The following ZC3H7A variants were observed in gnomAD, a reference collection of about 807,000 sequenced individuals.
ZC3H7A encodes the protein zinc finger CCCH domain-containing protein 7A.
A neutral mutation model predicts 125.5 loss-of-function variants in ZC3H7A; 44 were observed. That is an observed-to-expected ratio of 0.35 (90% CI 0.28 to 0.45). ZC3H7A has a LOEUF of 0.45. ZC3H7A is among the 20% of genes least tolerant of loss of function. The pLI is 1.00. For synonymous variants in ZC3H7A, 399 were observed against 391.2 expected (o/e 1.02, Z -0.23); for missense variants, 977 against 1,170.7 (o/e 0.83, Z 2.41).
rs567073526 is a variant in ZC3H7A at position 11,784,149 on chromosome 16, T to C, written c.-34-1761A>G. Among the ~76,000 whole-genome samples, 3 of 152,208 alleles carry C rather than the reference T, an allele frequency of 2.0e-5. No individual in the cohort carries two copies. In the East Asian group the frequency reaches 5.8e-4, roughly 29 times the overall value. ...TGACACTAGAGTAAAATGGCACTAT[T>C]TCTGGAATGTGCTTTTAAAACAGTT... is the stretch of plus-strand genomic sequence containing the variant. On this transcript the variant is annotated intron_variant, in intron 1 of 22. Transcript: ENST00000355758.
At chr16:11,779,416 TAAGTAA>T in intron 3 of ZC3H7A, 53 bp from the exon 4 acceptor site, 1 of 1,513,030 alleles carries the variant, frequency 6.6e-7, no homozygotes, top group Admixed American at 2.1e-5. Context: ...AGATATGGTA[TAAGTAA>T]ATTTTAATTT....
At chr16:11,792,705 C>T (rs1446938915) in intron 1 of ZC3H7A, among the ~76,000 whole-genome samples, 2 of 152,196 alleles carry the variant, frequency 1.3e-5, no homozygotes, top group African/African-American at 4.8e-5. Flanking sequence ...GCAGCTGGCC[C>T]AGGATTACAC....
intron 3 of ZC3H7A, among the ~76,000 whole-genome samples, chr16:11,780,230 C>T (rs993487566): frequency 4.0e-5 from 6 of 151,488 alleles, no homozygotes; most frequent in African/African-American, 7.3e-5. Context: ...AAGTGATTCT[C>T]GTGTCTTAGC....
At position 11,776,543 on chromosome 16, in the gene ZC3H7A, T is replaced by C; in HGVS notation, c.466-11A>G. On this transcript the variant is annotated splice_polypyrimidine_tract_variant and intron_variant, in intron 5 of 22. Coordinates refer to ENST00000355758, the MANE Select transcript of ZC3H7A (RefSeq NM_014153.4). ...TATTACATGCTCATCCTGAAAAAAA[T>C]AAGTATGTATAATTAACAGGGTTAT... is the stretch of plus-strand genomic sequence containing the variant. The C allele has an allele frequency of 6.3e-7, 1 of 1,594,396 alleles. No individual in the cohort carries two copies. The highest frequency in any genetic ancestry group is 1.1e-5 in the South Asian group (1 of 86,996).
At position 11,765,196 on chromosome 16, in the gene ZC3H7A, TA is replaced by T. The variant is rs2052833871; in HGVS notation, c.1720-44del. ...AGATTATCAAAAAAAATACAAAATATAAATTTTGTACCCAGAATATTGTCCT... is the reference window on the plus strand; with the variant it reads ...AGATTATCAAAAAAAATACAAAATATAATTTTGTACCCAGAATATTGTCCT... On this transcript the variant is annotated intron_variant, in intron 14 of 22. Coordinates refer to ENST00000355758, the MANE Select transcript of ZC3H7A (RefSeq NM_014153.4). This position sits in a 1 kb window ranked among gnomAD's most constrained non-coding sequence, Gnocchi z 4.8. The T allele has an allele frequency of 8.0e-7, 1 of 1,255,422 alleles. No individual in the cohort carries two copies. Among genetic ancestry groups the T allele is most frequent in the Non-Finnish European group, 1.1e-6 (1 of 912,132 alleles). The allele number at this position is 1,255,422 out of a possible 1,614,324, so 77.8% of individuals were successfully genotyped here. A position where few individuals can be genotyped will look rare whatever the true frequency, so the allele number is the denominator to read the frequency against.
At chr16:11,782,171 A>G in intron 2 of ZC3H7A, 116 bp downstream of exon 2, 1 of 1,127,948 alleles carries the variant, frequency 8.9e-7, no homozygotes, top group Non-Finnish European at 1.3e-6. Flanking sequence ...GGAGTTTCTA[A>G]CCCAAATTAA....
intron 22 of ZC3H7A, among the ~76,000 whole-genome samples, chr16:11,752,327 C>T (rs959257879): frequency 2.0e-5 from 3 of 152,220 alleles, no homozygotes; most frequent in African/African-American, 7.2e-5. Context: ...TGAACATTTA[C>T]TGTGAGCAAA....
intron 10 of ZC3H7A, among the ~76,000 whole-genome samples, chr16:11,770,209 C>T (rs541074574): frequency 2.6e-5 from 4 of 152,164 alleles, no homozygotes; most frequent in South Asian, 4.2e-4. Context: ...CTTTTAGCCA[C>T]GTAACAATGC....
At chr16:11,780,044 C>A (rs2053149557) in intron 3 of ZC3H7A, among the ~76,000 whole-genome samples, 1 of 151,948 alleles carries the variant, frequency 6.6e-6, no homozygotes, top group African/African-American at 2.4e-5. Context: ...AGTAAGTATA[C>A]ACATTCTTTT....
chr16:11,795,006 GAATA>G lies in ZC3H7A; in HGVS notation c.-35+2114_-35+2117del, dbSNP rs1273434919. ...GCAGAAAATCAACGGGCTCTTTGTA[GAATA>G]AACACACACACACAAACACACACGC... is the stretch of plus-strand genomic sequence containing the variant. On this transcript the variant is annotated intron_variant, in intron 1 of 22. Transcript: ENST00000355758. Among the ~76,000 whole-genome samples the G allele has an allele frequency of 3.9e-5, 6 of 152,102 alleles. No homozygotes were observed. In the East Asian group the frequency reaches 1.2e-3, roughly 29 times the overall value.
chr16:11,794,965 C>T (rs910353149), intron 1 of ZC3H7A, among the ~76,000 whole-genome samples: 3 of 152,172 alleles, frequency 2.0e-5, no homozygotes, highest in Non-Finnish European at 4.4e-5. Flanking sequence ...CAGGAATTCT[C>T]CACTTCGTTT....
At position 11,769,105 on chromosome 16, in the gene ZC3H7A, T is replaced by C. The variant is rs750551992; in HGVS notation, c.1109-10A>G. The C allele has an allele frequency of 3.8e-6, 6 of 1,599,030 alleles. No individual in the cohort carries two copies. The highest frequency in any genetic ancestry group is 5.1e-6 in the Non-Finnish European group (6 of 1,174,682). ...GTTGAGGTGGACAGATCTAAAATAA[T>C]AAAAAAACTTCAACAGACCTTTTCA... On this transcript the variant is annotated splice_polypyrimidine_tract_variant and intron_variant, in intron 10 of 22. Transcript: ENST00000355758.
At chr16:11,757,050 T>TG (rs2052661649) in intron 20 of ZC3H7A, among the ~76,000 whole-genome samples, 2 of 152,154 alleles carry the variant, frequency 1.3e-5, no homozygotes, top group African/African-American at 4.8e-5. Context: ...AATTCTTTGC[T>TG]GGGGGTATGC....
In ZC3H7A at chr16:11,767,367, T is replaced by C. The variant is rs373242424; in HGVS notation, c.1522+50A>G. On this transcript the variant is annotated intron_variant, in intron 13 of 22. Transcript: ENST00000355758. Reference sequence around the variant, plus strand: ...CCTGTCATTAAGCTAAGCATGACTGTAGTTCATCACTTATGTAATGTATAC... The same window carrying C: ...CCTGTCATTAAGCTAAGCATGACTGCAGTTCATCACTTATGTAATGTATAC... The C allele has an allele frequency of 6.1e-6, 8 of 1,316,248 alleles. No homozygotes were observed. In the African/African-American group the frequency reaches 1.2e-4, roughly 20 times the overall value. The allele number at this position is 1,316,248 out of a possible 1,614,324, so 81.5% of individuals were successfully genotyped here.
In ZC3H7A at chr16:11,761,399, T is replaced by A; in HGVS notation, c.2319+7A>T. On this transcript the variant is annotated splice_region_variant and intron_variant, in intron 19 of 22. Coordinates refer to ENST00000355758, the MANE Select transcript of ZC3H7A (RefSeq NM_014153.4). The stretch of plus-strand genomic sequence containing the variant: ...TAAAAAAAGTGGCTTAAAAATTACG[T>A]ATGTACATCAAACTGTAAAGGCATT... The A allele has an allele frequency of 6.2e-7, 1 of 1,612,664 alleles. No homozygotes were observed. The highest frequency in any genetic ancestry group is 8.5e-7 in the Non-Finnish European group (1 of 1,179,208).
At chr16:11,769,639 A>T (rs1254127820) in intron 10 of ZC3H7A, among the ~76,000 whole-genome samples, 1 of 133,054 alleles carries the variant, frequency 7.5e-6, no homozygotes, top group Non-Finnish European at 1.5e-5. Flanking sequence ...TGAACCCAAG[A>T]GGCAGAGGTT....
intron 1 of ZC3H7A, among the ~76,000 whole-genome samples, chr16:11,788,146 G>T (rs902261866): frequency 3.9e-5 from 6 of 152,180 alleles, no homozygotes; most frequent in Middle Eastern, 3.4e-3. Context: ...CTCAGTCTCA[G>T]CAGCACTCCC....
rs533050749 is a variant in ZC3H7A at position 11,782,019 on chromosome 16, T to C, written c.68+268A>G. ...AGTCACTTTCCACTCAGCAGCACTGTTCATAGAACAAATTCAAATTTCTCA... is the reference window on the plus strand; with the variant it reads ...AGTCACTTTCCACTCAGCAGCACTGCTCATAGAACAAATTCAAATTTCTCA... On this transcript the variant is annotated intron_variant, in intron 2 of 22. Transcript: ENST00000355758. Among the ~76,000 whole-genome samples, 6 of 152,284 alleles carry C rather than the reference T, an allele frequency of 3.9e-5. 1 individual carries two copies. In the South Asian group the frequency reaches 1.0e-3, roughly 26 times the overall value.
At position 11,776,977 on chromosome 16, in the gene ZC3H7A, G is replaced by A. The variant is rs2053090904; in HGVS notation, c.307-68C>T. 2.9e-6 allele frequency: 4 copies of A among 1,369,688 alleles called. No homozygotes were observed. The East Asian group carries it at 7.7e-5, about 26-fold the overall frequency. The allele number at this position is 1,369,688 out of a possible 1,614,324, so 84.8% of individuals were successfully genotyped here. A position where few individuals can be genotyped will look rare whatever the true frequency, so the allele number is the denominator to read the frequency against. On this transcript the variant is annotated intron_variant, in intron 4 of 22. Transcript: ENST00000355758. Reference sequence around the variant, plus strand: ...TCATTTCTTGCACTGAGGCCTTCCTGTAATAAAAACAAATTAATACCCCAT... The same window carrying A: ...TCATTTCTTGCACTGAGGCCTTCCTATAATAAAAACAAATTAATACCCCAT...
Sources: allele counts gnomAD v4.1 joint callset (sites outside exome capture counted in the v4.1 genomes callset), GRCh38; gene constraint gnomAD v4.1.1; non-coding constraint Gnocchi (gnomAD v3.1); transcripts MANE v1.5; gene names NCBI Gene and HGNC (gene_info 2026-07-23, HGNC 2026-07-21).